The following KCNIP4 variants were observed in gnomAD, a reference collection of about 807,000 sequenced individuals.
The protein encoded by KCNIP4 is potassium voltage-gated channel interacting protein 4, also known as Kv channel-interacting protein 4.
A neutral mutation model predicts 34.0 loss-of-function variants in KCNIP4; 12 were observed. The observed-to-expected ratio is 0.35, with a 90% confidence interval of 0.23 to 0.57. The LOEUF (loss-of-function observed/expected upper bound fraction) is 0.57. Among genes scored for constraint, KCNIP4 ranks in the 20% least tolerant of loss-of-function variants. The pLI, the probability that KCNIP4 is intolerant of heterozygous loss-of-function variation, is 0.83. For missense variants in KCNIP4, 238 were observed against 311.7 expected (o/e 0.76, Z 1.78); for synonymous variants, 124 against 102.2 (o/e 1.21, Z -1.29).
At chr4:21,142,953 T>A (rs1036544021) in intron 1 of KCNIP4, among the ~76,000 whole-genome samples, 2 of 152,100 alleles carry the variant, frequency 1.3e-5, no homozygotes, top group Non-Finnish European at 2.9e-5. Context: ...GAAGTGTGGA[T>A]CCTGCAAACT....
chr4:21,176,450 G>A (rs1754417205), intron 1 of KCNIP4, among the ~76,000 whole-genome samples: 1 of 152,174 alleles, frequency 6.6e-6, no homozygotes, highest in Admixed American at 6.5e-5. Flanking sequence ...GGTGGATGCT[G>A]CTACAAGTAA....
At chr4:20,954,667 C>T (rs1329412641) in intron 1 of KCNIP4, among the ~76,000 whole-genome samples, 1 of 152,142 alleles carries the variant, frequency 6.6e-6, no homozygotes, top group Non-Finnish European at 1.5e-5. Context: ...AGCTTCATGC[C>T]CATACTTCTG....
chr4:21,872,801 T>C (rs1301467185), intron 1 of KCNIP4, among the ~76,000 whole-genome samples: 1 of 152,170 alleles, frequency 6.6e-6, no homozygotes, highest in Non-Finnish European at 1.5e-5. Context: ...TGTCCTGAGG[T>C]TGTAAAGCTT....
At chr4:21,208,904 C>T (rs962013467) in intron 1 of KCNIP4, among the ~76,000 whole-genome samples, 1 of 152,044 alleles carries the variant, frequency 6.6e-6, no homozygotes, top group Non-Finnish European at 1.5e-5. Context: ...GAAGAGCAAG[C>T]AGGGGAAATG....
intron 1 of KCNIP4, among the ~76,000 whole-genome samples, chr4:21,731,907 A>G (rs1560672926): frequency 6.6e-6 from 1 of 152,140 alleles, no homozygotes; most frequent in Admixed American, 6.6e-5. Flanking sequence ...ACAACTTGAG[A>G]GAAAGGGCAG....
At chr4:21,423,799 C>T (rs10022308) in intron 1 of KCNIP4, among the ~76,000 whole-genome samples, 86,482 of 151,146 alleles carry the variant, frequency 0.57, 24,821 homozygotes, top group Middle Eastern at 0.62. Flanking sequence ...AGCCATATGA[C>T]TTATGAGAAT....
intron 1 of KCNIP4, among the ~76,000 whole-genome samples, chr4:21,308,861 C>A (rs185314472): frequency 6.6e-6 from 1 of 151,994 alleles, no homozygotes; most frequent in African/African-American, 2.4e-5. Context: ...CTGTTTCAGG[C>A]GCCCCCATTT....
chr4:21,798,892 G>A (rs1455399355), intron 1 of KCNIP4, among the ~76,000 whole-genome samples: 1 of 151,870 alleles, frequency 6.6e-6, no homozygotes, highest in Non-Finnish European at 1.5e-5. Flanking sequence ...TATATATTTG[G>A]TGTATCAATA....
rs532623731 is a variant in KCNIP4 at position 21,897,424 on chromosome 4, G to A, written c.61+51147C>T. ...TATCAGAATTTTTTTTCTTGCCCTT[G>A]CTGTAAAAATCCTCGAAGAGTAAAT... On this transcript the variant is annotated intron_variant, in intron 1 of 8. Coordinates refer to ENST00000382152, the MANE Select transcript of KCNIP4 (RefSeq NM_025221.6). Among the ~76,000 whole-genome samples, 5 of 152,054 alleles carry A rather than the reference G, an allele frequency of 3.3e-5. No individual in the cohort carries two copies. In the South Asian group the frequency reaches 1.0e-3, roughly 32 times the overall value.
chr4:21,328,148 A>G (rs957611917), intron 1 of KCNIP4, among the ~76,000 whole-genome samples: 1 of 151,910 alleles, frequency 6.6e-6, no homozygotes, highest in Non-Finnish European at 1.5e-5. Context: ...TTCAACAGTT[A>G]GGTATTTATT....
chr4:21,668,953 A>G lies in KCNIP4; in HGVS notation c.61+279618T>C, dbSNP rs911533610. Among the ~76,000 whole-genome samples the G allele has an allele frequency of 3.9e-5, 6 of 152,290 alleles. No individual in the cohort carries two copies. The East Asian group carries it at 1.2e-3, about 29-fold the overall frequency. On this transcript the variant is annotated intron_variant, in intron 1 of 8. Coordinates refer to ENST00000382152, the MANE Select transcript of KCNIP4 (RefSeq NM_025221.6). ...GCCTGCCTCTCCCGTCTCTCCTTCT[A>G]GTTCCTACAGCTCTGCCACTTTGCC... is the stretch of plus-strand genomic sequence containing the variant.
At chr4:20,737,300 C>G (rs1360996696) in intron 5 of KCNIP4, among the ~76,000 whole-genome samples, 1 of 152,090 alleles carries the variant, frequency 6.6e-6, no homozygotes, top group Admixed American at 6.5e-5. Context: ...CATTTTGCTC[C>G]AAGGTTGGAA....
In KCNIP4 at chr4:21,144,946, G is replaced by T. The variant is rs1408223265; in HGVS notation, c.62-262237C>A. ...ACCAGATCTGAGTTTTGGGAGTTTG[G>T]CACTTTTACAATTTTAGAGGGCCAT... On this transcript the variant is annotated intron_variant, in intron 1 of 8. Transcript: ENST00000382152. Among the ~76,000 whole-genome samples, 4 of 150,782 alleles carry T rather than the reference G, an allele frequency of 2.7e-5. No homozygotes were observed. The Admixed American group carries it at 2.7e-4, about 10-fold the overall frequency.
At chr4:20,739,811 G>A (rs998758046) in intron 5 of KCNIP4, among the ~76,000 whole-genome samples, 4 of 152,168 alleles carry the variant, frequency 2.6e-5, no homozygotes, top group Non-Finnish European at 4.4e-5. Flanking sequence ...AAAGGAAGAT[G>A]TTCGAACCCA....
At chr4:21,505,614 G>A (rs1373694352) in intron 1 of KCNIP4, among the ~76,000 whole-genome samples, 1 of 151,988 alleles carries the variant, frequency 6.6e-6, no homozygotes, top group Non-Finnish European at 1.5e-5. Flanking sequence ...TTTCTTCTCT[G>A]TTCTCCATCT....
chr4:20,778,410 G>A (rs1756567565), intron 3 of KCNIP4, among the ~76,000 whole-genome samples: 1 of 152,140 alleles, frequency 6.6e-6, no homozygotes, highest in Non-Finnish European at 1.5e-5. Flanking sequence ...GCAATTCATA[G>A]ATGTCAAGAT....
chr4:21,637,862 A>C (rs565474697), intron 1 of KCNIP4, among the ~76,000 whole-genome samples: 3 of 152,004 alleles, frequency 2.0e-5, no homozygotes, highest in Non-Finnish European at 4.4e-5. Context: ...ACAAATCATA[A>C]GTGGCTGAAC....
chr4:20,859,436 G>A (rs1196834358), intron 2 of KCNIP4, among the ~76,000 whole-genome samples: 1 of 152,166 alleles, frequency 6.6e-6, no homozygotes, highest in Non-Finnish European at 1.5e-5. Context: ...TTTAATTCAT[G>A]TATCTTCTAA....
chr4:21,862,032 G>A (rs1361383978), intron 1 of KCNIP4, among the ~76,000 whole-genome samples: 2 of 152,074 alleles, frequency 1.3e-5, no homozygotes, highest in African/African-American at 2.4e-5. Context: ...CCACCTCTGA[G>A]CTTTTCATCT....
Sources: gnomAD v4.1 joint callset for allele counts (sites outside exome capture counted in the v4.1 genomes callset) on GRCh38, gnomAD v4.1.1 for gene constraint, MANE v1.5 for transcripts, NCBI Gene and HGNC (gene_info 2026-07-23, HGNC 2026-07-21) for gene names.